TNS3: variants seen among roughly 807,000 people sequenced by gnomAD.
TNS3 encodes the protein tensin 3, also known as tensin-3.
In TNS3, 45 loss-of-function variants were observed where a neutral mutation model predicts 140.9. The ratio of observed to expected loss-of-function variants is 0.32; its 90% CI spans 0.25 to 0.41. The LOEUF (loss-of-function observed/expected upper bound fraction) is 0.41. TNS3 is among the 10% of genes least tolerant of loss of function. The pLI, the probability that TNS3 is intolerant of heterozygous loss-of-function variation, is 1.00. For synonymous variants in TNS3, 815 were observed against 788.4 expected (o/e 1.03, Z -0.56); for missense variants, 1,716 against 1,906.7 (o/e 0.90, Z 1.86).
Position 47,331,596 on chromosome 7 carries a change from C to A in TNS3, c.2650+13159G>T, listed in dbSNP as rs547028326. On this transcript the variant is annotated intron_variant, in intron 20 of 30. Coordinates refer to ENST00000311160, the MANE Select transcript of TNS3 (RefSeq NM_022748.12). ...TGACGCCCATCGCACACTTGGTTGGCCCTGAAGCATCAGAAAAGTTTACTT... is the reference window on the plus strand; with the variant it reads ...TGACGCCCATCGCACACTTGGTTGGACCTGAAGCATCAGAAAAGTTTACTT... Among the ~76,000 whole-genome samples, 5 of 152,300 alleles carry A rather than the reference C, an allele frequency of 3.3e-5. No homozygotes were observed. In the South Asian group the frequency reaches 1.0e-3, roughly 32 times the overall value.
intron 9 of TNS3, among the ~76,000 whole-genome samples, chr7:47,424,660 ACAGACACCCC>A (rs574726786): frequency 6.6e-6 from 1 of 152,310 alleles, no homozygotes; most frequent in Admixed American, 6.5e-5. Context: ...AGGAGAGTCA[ACAGACACCCC>A]CATGAAGTCC....
At chr7:47,530,838 A>AAAAAAAAAAAAAAAATAT in intron 1 of TNS3, among the ~76,000 whole-genome samples, 1 of 54,564 alleles carries the variant, frequency 1.8e-5, no homozygotes, top group African/African-American at 7.9e-5. Flanking sequence ...AAAAAAAAAA[A>AAAAAAAAAAAAAAAATAT]ATATATATAT....
chr7:47,435,722 A>G (rs115458127), intron 7 of TNS3, among the ~76,000 whole-genome samples: 2,539 of 152,286 alleles, frequency 0.017, 60 homozygotes, highest in African/African-American at 0.058. Context: ...CAGTGAGATC[A>G]CAAACAGGAG....
chr7:47,389,561 G>A (rs1308064713), intron 16 of TNS3, among the ~76,000 whole-genome samples: 6 of 151,606 alleles, frequency 4.0e-5, no homozygotes, highest in African/African-American at 1.2e-4. Flanking sequence ...ATGAGATGGC[G>A]GCTCAGGGAC....
intron 17 of TNS3, among the ~76,000 whole-genome samples, chr7:47,364,754 G>A (rs1247585697): frequency 6.6e-6 from 1 of 152,172 alleles, no homozygotes; most frequent in African/African-American, 2.4e-5. Context: ...TCCCAGGAAG[G>A]GCATGGCTCA....
intron 9 of TNS3, among the ~76,000 whole-genome samples, chr7:47,427,237 C>T (rs1794706684): frequency 6.6e-6 from 1 of 151,854 alleles, no homozygotes; most frequent in South Asian, 2.1e-4. Flanking sequence ...GATGGATGTG[C>T]CCAGGAATCT....
At chr7:47,328,894 C>T (rs1374406727) in intron 20 of TNS3, among the ~76,000 whole-genome samples, 2 of 152,244 alleles carry the variant, frequency 1.3e-5, no homozygotes, top group African/African-American at 2.4e-5. Flanking sequence ...CTGGCACCTA[C>T]TGTAGGCTGT....
intron 7 of TNS3, among the ~76,000 whole-genome samples, chr7:47,435,977 G>A (rs1251782765): frequency 6.6e-6 from 1 of 152,190 alleles, no homozygotes; most frequent in Non-Finnish European, 1.5e-5. Context: ...GCGTCCTGAG[G>A]CACACACAAG....
chr7:47,531,757 GC>G (rs1288745651), intron 1 of TNS3, among the ~76,000 whole-genome samples: 3 of 152,250 alleles, frequency 2.0e-5, no homozygotes, highest in African/African-American at 7.2e-5. Context: ...TCTCCATGGA[GC>G]CGGTGGGAGC....
At chr7:47,278,278 C>G in intron 30 of TNS3, 58 bp from the exon 31 acceptor site, 1 of 1,555,814 alleles carries the variant, frequency 6.4e-7, no homozygotes, top group Admixed American at 2.0e-5. Context: ...CAAGCTTCTA[C>G]TTCCTCCAGC....
At chr7:47,424,041 C>T in intron 10 of TNS3, 60 bp downstream of exon 10, 1 of 1,554,972 alleles carries the variant, frequency 6.4e-7, no homozygotes, top group Non-Finnish European at 8.9e-7. Context: ...TCTGTTTTCA[C>T]ATTTTTATAT....
At chr7:47,466,931 C>A (rs1796741660) in intron 4 of TNS3, among the ~76,000 whole-genome samples, 1 of 152,206 alleles carries the variant, frequency 6.6e-6, no homozygotes, top group South Asian at 2.1e-4. Flanking sequence ...TCTTTATTTA[C>A]CAAATCAGAA....
intron 13 of TNS3, among the ~76,000 whole-genome samples, chr7:47,405,088 C>A (rs1268258268): frequency 6.6e-6 from 1 of 152,036 alleles, no homozygotes; most frequent in Non-Finnish European, 1.5e-5. Context: ...TAACTTTAGG[C>A]CACATAAGTG....
chr7:47,534,550 G>A (rs538527601), intron 1 of TNS3, among the ~76,000 whole-genome samples: 2 of 152,258 alleles, frequency 1.3e-5, no homozygotes, highest in Admixed American at 6.5e-5. Flanking sequence ...TTACCTGGAG[G>A]TTGAATCAGA....
intron 20 of TNS3, among the ~76,000 whole-genome samples, chr7:47,343,559 G>A (rs944501783): frequency 6.6e-6 from 1 of 152,226 alleles, no homozygotes; most frequent in South Asian, 2.1e-4. Context: ...TAGGAGCCAA[G>A]TACAGTCACC....
intron 13 of TNS3, among the ~76,000 whole-genome samples, chr7:47,404,837 T>C (rs1793354799): frequency 6.6e-6 from 1 of 151,830 alleles, no homozygotes; most frequent in Non-Finnish European, 1.5e-5. Context: ...TGAGCCAAGA[T>C]TGCACCACTG....
chr7:47,325,311 A>G (rs1003685683), intron 20 of TNS3, among the ~76,000 whole-genome samples: 9 of 152,030 alleles, frequency 5.9e-5, no homozygotes, highest in Non-Finnish European at 1.2e-4. Flanking sequence ...TCATTCCTCT[A>G]TCTTCCACTC....
chr7:47,483,041 A>C (rs1051340241), intron 3 of TNS3, among the ~76,000 whole-genome samples: 2 of 152,230 alleles, frequency 1.3e-5, no homozygotes, highest in Admixed American at 6.5e-5. Context: ...GTACAACACC[A>C]GGAGAGAATC....
At chr7:47,438,919 C>T (rs60149866) in intron 6 of TNS3, among the ~76,000 whole-genome samples, 8,222 of 152,202 alleles carry the variant, frequency 0.054, 586 homozygotes, top group African/African-American at 0.16. Flanking sequence ...CAGCCTCCAC[C>T]TGGGCTACCA....
Sources: gnomAD v4.1 joint callset for allele counts (sites outside exome capture counted in the v4.1 genomes callset) on GRCh38, gnomAD v4.1.1 for gene constraint, MANE v1.5 for transcripts, NCBI Gene and HGNC (gene_info 2026-07-23, HGNC 2026-07-21) for gene names.